Variants in SLC9D1 observed in about 807,000 individuals in gnomAD.
SLC9D1 encodes the protein solute carrier family 9 member D1, also known as putative LAG1-interacting protein.
the SLC9D1 span, chr13:113,539,611 C>T: frequency 7.8e-7 from 1 of 1,279,492 alleles, no homozygotes; most frequent in African/African-American, 1.5e-5. This position sits in a 1 kb window ranked among gnomAD's most constrained non-coding sequence, Gnocchi z 4.8. Flanking sequence ...AAATGGTTAT[C>T]TTAAAAATTA....
chr13:113,549,322 T>C, the SLC9D1 span: 1 of 1,311,312 alleles, frequency 7.6e-7, no homozygotes, highest in Non-Finnish European at 1.1e-6. Flanking sequence ...ACTCTAGCTT[T>C]GCAGGCGTCC....
At chr13:113,507,271 C>T in the SLC9D1 span, among the ~76,000 whole-genome samples, 1 of 152,152 alleles carries the variant, frequency 6.6e-6, no homozygotes, top group African/African-American at 2.4e-5. Flanking sequence ...TCTGTGGACT[C>T]GGATTGCAGA....
chr13:113,517,368 G>A, the SLC9D1 span, among the ~76,000 whole-genome samples: 1 of 152,070 alleles, frequency 6.6e-6, no homozygotes, highest in Non-Finnish European at 1.5e-5. Context: ...GAGTAGCTGG[G>A]ACTACAGGCG....
At chr13:113,512,444 C>T in the SLC9D1 span, among the ~76,000 whole-genome samples, 2 of 145,452 alleles carry the variant, frequency 1.4e-5, no homozygotes, top group Non-Finnish European at 3.0e-5. Flanking sequence ...TATATATAGA[C>T]TCAGAGCCTC....
At chr13:113,527,157 TACC>T in the SLC9D1 span, 26 of 152,350 alleles carry the variant, frequency 1.7e-4, no homozygotes, top group African/African-American at 6.3e-4. Context: ...TTTTATTGAA[TACC>T]ACAGCAGATG....
At chr13:113,512,672 GGAGA>G in the SLC9D1 span, among the ~76,000 whole-genome samples, 1 of 149,404 alleles carries the variant, frequency 6.7e-6, no homozygotes, top group South Asian at 2.1e-4. Context: ...GAGTGTAGAT[GGAGA>G]GAGTCAGTAT....
chr13:113,508,790 G>T, the SLC9D1 span, among the ~76,000 whole-genome samples: 2 of 152,338 alleles, frequency 1.3e-5, no homozygotes, highest in Non-Finnish European at 2.9e-5. Flanking sequence ...GGGCGTGTCT[G>T]CTCATTTCCC....
the SLC9D1 span, among the ~76,000 whole-genome samples, chr13:113,515,433 G>A: frequency 6.6e-5 from 10 of 152,270 alleles, no homozygotes; most frequent in East Asian, 7.7e-4. Context: ...AGATGTGGCC[G>A]GGTGGCTGTG....
the SLC9D1 span, among the ~76,000 whole-genome samples, chr13:113,493,411 A>C: frequency 1.3e-5 from 2 of 152,200 alleles, no homozygotes; most frequent in Non-Finnish European, 2.9e-5. Context: ...TTCACTTGTG[A>C]AGTAGCTGTT....
chr13:113,497,634 T>A, the SLC9D1 span, among the ~76,000 whole-genome samples: 31,006 of 139,652 alleles, frequency 0.22, 3,974 homozygotes, highest in African/African-American at 0.38. Flanking sequence ...GCTGTGTGAG[T>A]CTTGCAGCTG....
At chr13:113,541,300 C>G in the SLC9D1 span, among the ~76,000 whole-genome samples, 2 of 150,006 alleles carry the variant, frequency 1.3e-5, no homozygotes, top group African/African-American at 2.5e-5. Flanking sequence ...TTGCTGATCA[C>G]TGCCATGCTT....
the SLC9D1 span, chr13:113,520,854 A>G: frequency 1.0e-4 from 75 of 741,170 alleles, no homozygotes; most frequent in South Asian, 1.2e-3. Context: ...TTCCGTGCAC[A>G]GTCCCTGGAG....
chr13:113,527,777 C>CCTT, the SLC9D1 span: 60,324 of 151,824 alleles, frequency 0.4, 13,337 homozygotes, highest in African/African-American at 0.6. Flanking sequence ...CTTGTTCTCT[C>CCTT]CTGCGATTGC....
chr13:113,535,958 C>T, the SLC9D1 span, among the ~76,000 whole-genome samples: 19 of 152,188 alleles, frequency 1.2e-4, no homozygotes, highest in East Asian at 3.5e-3. This position sits in a 1 kb window ranked among gnomAD's most constrained non-coding sequence, Gnocchi z 4.1. Context: ...TTGCTGTGTC[C>T]GTATCAGCAC....
the SLC9D1 span, among the ~76,000 whole-genome samples, chr13:113,539,102 A>G: frequency 6.6e-6 from 1 of 152,214 alleles, no homozygotes; most frequent in Non-Finnish European, 1.5e-5. This position sits in a 1 kb window ranked among gnomAD's most constrained non-coding sequence, Gnocchi z 4.8. Flanking sequence ...TTTCAGCGCA[A>G]TCTGTATGGA....
chr13:113,549,402 C>T, the SLC9D1 span: 68 of 1,611,862 alleles, frequency 4.2e-5, no homozygotes, highest in African/African-American at 6.9e-4. Flanking sequence ...CTCTGTGACC[C>T]GCTCTGCACT....
chr13:113,496,030 G>C, the SLC9D1 span: 1 of 1,594,308 alleles, frequency 6.3e-7, no homozygotes, highest in Non-Finnish European at 8.6e-7. Flanking sequence ...ATAAAGGTCA[G>C]TCCTAGAGAG....
the SLC9D1 span, chr13:113,496,063 GGA>G: frequency 2.1e-6 from 3 of 1,412,266 alleles, no homozygotes; most frequent in Non-Finnish European, 2.9e-6. Context: ...AGAGGGAGAG[GGA>G]GAGAGAGGTG....
chr13:113,539,418 C>T, the SLC9D1 span: 3 of 1,613,706 alleles, frequency 1.9e-6, no homozygotes, highest in Non-Finnish European at 1.7e-6. This position sits in a 1 kb window ranked among gnomAD's most constrained non-coding sequence, Gnocchi z 4.8. Context: ...GCGCTCGTCT[C>T]CTCTCAGGGC....
Sources: gnomAD v4.1 joint callset for allele counts (sites outside exome capture counted in the v4.1 genomes callset) on GRCh38, gnomAD v4.1.1 for gene constraint, Gnocchi (gnomAD v3.1) non-coding constraint, MANE v1.5 for transcripts, NCBI Gene and HGNC (gene_info 2026-07-23, HGNC 2026-07-21) for gene names.